Variants in PHRF1 observed in about 807,000 individuals in gnomAD.
PHRF1 encodes PHD and RING finger domain-containing protein 1.
In PHRF1, 53 loss-of-function variants were observed where a neutral mutation model predicts 128.9. The ratio of observed to expected loss-of-function variants is 0.41; its 90% confidence interval spans 0.33 to 0.52. PHRF1 has a LOEUF of 0.52. Ranked by LOEUF, PHRF1 falls within the 20% of genes least tolerant of loss-of-function variation. The pLI, the probability that PHRF1 is intolerant of heterozygous loss-of-function variation, is 0.21. For synonymous variants in PHRF1, 1,178 were observed against 980.6 expected (o/e 1.20, Z -3.76); for missense variants, 2,503 against 2,284.5 (o/e 1.10, Z -1.95).
In PHRF1 at chr11:582,054, G is replaced by T; in HGVS notation, c.187G>T (p.Glu63Ter). Residue 63 changes from glutamate to a stop codon, truncating the protein, a stop_gained, in exon 3 of 18, where the codon GAG (glutamate) becomes TAG (stop). Transcript: ENST00000264555. LOFTEE classifies it high-confidence loss of function. ...AGACGGAGAAGACGAGGGGGCGTCT[G>T]AGGAGGAAGACCTGGAAGACAGATC... ...GTDGEDEGAS[E>*]EEDLEDRSGS... 6.2e-7 allele frequency: 1 copy of T among 1,602,404 alleles called. No individual in the cohort carries two copies. Among genetic ancestry groups the T allele is most frequent in the Non-Finnish European group, 8.5e-7 (1 of 1,174,704 alleles).
At chr11:595,198 C>G (rs1160539223) in intron 6 of PHRF1, among the ~76,000 whole-genome samples, 1 of 152,166 alleles carries the variant, frequency 6.6e-6, no homozygotes, top group Non-Finnish European at 1.5e-5. Flanking sequence ...TGGTTCACAC[C>G]TGTAACCCCC....
chr11:582,763 A>G (rs1337234956), intron 3 of PHRF1, among the ~76,000 whole-genome samples: 5 of 151,486 alleles, frequency 3.3e-5, no homozygotes, highest in African/African-American at 4.8e-5. Flanking sequence ...TGACCTCGTG[A>G]TCCGCCCACC....
At chr11:606,825 T>G in intron 13 of PHRF1, 1 of 856,744 alleles carries the variant, frequency 1.2e-6, no homozygotes, top group South Asian at 1.9e-5. Context: ...CCTGATGGGG[T>G]ACTGCCCCCG....
At chr11:593,399 G>A (rs1322742567) in intron 6 of PHRF1, among the ~76,000 whole-genome samples, 1 of 152,260 alleles carries the variant, frequency 6.6e-6, no homozygotes, top group Non-Finnish European at 1.5e-5. Context: ...TTGGACTACG[G>A]AACAGCCGGA....
intron 5 of PHRF1, 141 bp from the exon 6 acceptor site, chr11:592,418 G>A (rs1307964777): frequency 9.2e-6 from 7 of 764,008 alleles, no homozygotes; most frequent in Non-Finnish European, 1.6e-5. Context: ...GTGTACACGT[G>A]GAGGGAGACC....
At position 612,130 on chromosome 11, in the gene PHRF1, G is replaced by C; in HGVS notation, c.*353G>C. 1 of 350,796 alleles carries C rather than the reference G, an allele frequency of 2.9e-6. No homozygotes were observed. Among genetic ancestry groups the C allele is most frequent in the Non-Finnish European group, 5.2e-6 (1 of 191,924 alleles). 21.7% of individuals were successfully genotyped at this position (350,796 alleles called of 1,614,324 possible). ...CAAGAGGGGCTCCTGGTGGGGTGGCGCGTCCTTGATAAATCTCTAGGTGGC... is the reference window on the plus strand; with the variant it reads ...CAAGAGGGGCTCCTGGTGGGGTGGCCCGTCCTTGATAAATCTCTAGGTGGC... On this transcript the variant is annotated 3_prime_UTR_variant, in exon 18 of 18. Transcript: ENST00000264555.
Position 612,132 on chromosome 11 carries a change from G to A in PHRF1, c.*355G>A, listed in dbSNP as rs913105624. 5 of 348,922 alleles carry A rather than the reference G, an allele frequency of 1.4e-5. No homozygotes were observed. Among genetic ancestry groups the A allele is most frequent in the East Asian group, 5.3e-5 (1 of 18,954 alleles). 21.6% of individuals were successfully genotyped at this position (348,922 alleles called of 1,614,324 possible). On this transcript the variant is annotated 3_prime_UTR_variant, in exon 18 of 18. Coordinates refer to ENST00000264555, the MANE Select transcript of PHRF1 (RefSeq NM_001286581.2). ...AGAGGGGCTCCTGGTGGGGTGGCGC[G>A]TCCTTGATAAATCTCTAGGTGGCCT...
rs768039880 is a variant in PHRF1, at chr11:597,008, G to A, written c.706G>A (p.Val236Ile). 3 of 1,613,808 alleles carry A rather than the reference G, an allele frequency of 1.9e-6. No individual in the cohort carries two copies. In the East Asian group the frequency reaches 6.7e-5, roughly 36 times the overall value. The change falls in exon 7 of 18, where the codon GTC becomes ATC. Residue 236 changes from valine to isoleucine, a missense_variant. Physicochemically the swap from Val to Ile is conservative, Grantham distance 29. Transcript: ENST00000264555. The surrounding 1 kb of genome is among the most constrained non-coding windows in gnomAD (Gnocchi z 6.5). ...FCPECAAPGV[V>I]LAADAGPVSE... is the part of the protein sequence containing the mutation. The stretch of plus-strand genomic sequence containing the variant: ...CCCGGAATGTGCTGCGCCTGGTGTT[G>A]TCCTTGCCGCTGGTAAGGACACTGC...
chr11:608,789 AAGG>A lies in PHRF1; in HGVS notation c.3336_3338del (p.Arg1113del), dbSNP rs758947813. ...ACTATGAGAGTAGGAAGAAGAAGAA[AAGG>A]AGATCAGCGTCCAGACCTCGGGGAA... On this transcript the variant is annotated inframe_deletion, in exon 14 of 18. Transcript: ENST00000264555. 7 of 1,611,878 alleles carry A rather than the reference AAGG, an allele frequency of 4.3e-6. No individual in the cohort carries two copies. The East Asian group carries it at 1.1e-4, about 26-fold the overall frequency.
chr11:602,616 G>T (rs1218966359), intron 10 of PHRF1, among the ~76,000 whole-genome samples: 5 of 152,038 alleles, frequency 3.3e-5, no homozygotes, highest in Non-Finnish European at 1.5e-5. Flanking sequence ...GGGAGGCAGA[G>T]GTTGCAGTGA....
Position 598,399 on chromosome 11 carries a change from C to T in PHRF1, c.921C>T (p.Ser307=), listed in dbSNP as rs532931828. The T allele has an allele frequency of 1.2e-6, 2 of 1,610,774 alleles. No individual in the cohort carries two copies. The highest frequency in any genetic ancestry group is 1.1e-5 in the South Asian group (1 of 91,078). The change falls in exon 9 of 18, where the codon TCC becomes TCT. Residue 307 remains serine (S), a synonymous_variant. Transcript: ENST00000264555. ...ACACACCAGGGCGCCTCGGGTCTTC[C>T]CTGCTGGATGAAGCCATCGAGGCTG... ...VQHTPGRLGS[S]LLDEAIEAVA...
At chr11:580,501 A>C (rs111363951) in intron 1 of PHRF1, among the ~76,000 whole-genome samples, 1,524 of 152,276 alleles carry the variant, frequency 0.01, 25 homozygotes, top group African/African-American at 0.034. Context: ...GGGACTCAGC[A>C]GCACCCTGGT....
intron 1 of PHRF1, among the ~76,000 whole-genome samples, chr11:578,858 A>AT (rs1307058939): frequency 1.9e-3 from 276 of 145,750 alleles, no homozygotes; most frequent in East Asian, 0.015. Flanking sequence ...GCTGATTCAC[A>AT]TTTTTTTTTT....
chr11:592,722 G>A lies in PHRF1; in HGVS notation c.620+48G>A, dbSNP rs200966018. The A allele has an allele frequency of 4.8e-4, 756 of 1,589,082 alleles. 1 individual carries two copies. Among genetic ancestry groups the A allele is most frequent in the Non-Finnish European group, 6.1e-4 (704 of 1,157,818 alleles). ...ACACGTGCCCTGCTGCGTGCAAGGC[G>A]GGCCAGGCGCAGGAGGGATGCAGAG... On this transcript the variant is annotated intron_variant, in intron 6 of 17. Transcript: ENST00000264555.
chr11:599,247 T>TC lies in PHRF1; in HGVS notation c.1024+746dup, dbSNP rs534517847. ...CATGCATACTTTTTCTTTTTTTTTT[T>TC]CTTTTCTTTTTTTTTTTTTTTTTTT... On this transcript the variant is annotated intron_variant, in intron 9 of 17. Coordinates refer to ENST00000264555, the MANE Select transcript of PHRF1 (RefSeq NM_001286581.2). Among the ~76,000 whole-genome samples, 152 of 145,038 alleles carry TC rather than the reference T, an allele frequency of 1.0e-3. 5 individuals are homozygous for TC. In the South Asian group the frequency reaches 0.032, roughly 31 times the overall value.
intron 5 of PHRF1, 115 bp from the exon 6 acceptor site, chr11:592,444 G>A (rs1589875153): frequency 9.8e-6 from 10 of 1,023,542 alleles, no homozygotes; most frequent in Middle Eastern, 2.0e-4. Context: ...GGCCTGTGGA[G>A]CCCAAATATG....
At chr11:581,377 C>T in intron 1 of PHRF1, 115 bp from the exon 2 acceptor site, 1 of 793,862 alleles carries the variant, frequency 1.3e-6, no homozygotes, top group Non-Finnish European at 2.0e-6. Flanking sequence ...TCTTCACGTG[C>T]TGTGGCGGTG....
intron 6 of PHRF1, among the ~76,000 whole-genome samples, chr11:593,593 CTGT>C (rs1484895077): frequency 6.6e-6 from 1 of 152,248 alleles, no homozygotes; most frequent in Admixed American, 6.5e-5. Context: ...TCCACTCACG[CTGT>C]TGTTGGTGCA....
rs1416024663 is a variant in PHRF1, at chr11:611,177, C to T, written c.4806+95C>T. ...ATGGACTTTGGGGTGGCCATGAGTG[C>T]AGGCCCGAGGTCAGCCAGCCAGGTT... On this transcript the variant is annotated intron_variant, in intron 17 of 17. Transcript: ENST00000264555. The T allele has an allele frequency of 3.9e-6, 6 of 1,554,702 alleles. No homozygotes were observed. The African/African-American group carries it at 6.8e-5, about 18-fold the overall frequency.
Sources: gnomAD v4.1 joint callset for allele counts (sites outside exome capture counted in the v4.1 genomes callset) on GRCh38, gnomAD v4.1.1 for gene constraint, Gnocchi (gnomAD v3.1) non-coding constraint, MANE v1.5 for transcripts, NCBI Gene and HGNC (gene_info 2026-07-23, HGNC 2026-07-21) for gene names.